SLIT3: variants seen among roughly 807,000 people sequenced by gnomAD.
SLIT3 encodes the protein slit guidance ligand 3.
SLIT3 carries 68 observed loss-of-function variants against 184.0 expected under a neutral mutation model. The ratio of observed to expected loss-of-function variants is 0.37; its 90% CI spans 0.30 to 0.45. The LOEUF (loss-of-function observed/expected upper bound fraction) is 0.45, where lower values mean the gene tolerates loss of function less well. SLIT3 is among the 20% of genes least tolerant of loss of function. The pLI, the probability that SLIT3 is intolerant of heterozygous loss-of-function variation, is 1.00. For synonymous variants in SLIT3, 831 were observed against 828.6 expected, an observed-to-expected ratio of 1.00 and a Z score of -0.05; for missense variants, 1,707 against 2,026.0, an observed-to-expected ratio of 0.84 and a Z score of 3.02.
At chr5:169,187,401 G>A (rs1289466030) in intron 4 of SLIT3, among the ~76,000 whole-genome samples, 3 of 151,928 alleles carry the variant, frequency 2.0e-5, no homozygotes, top group Non-Finnish European at 4.4e-5. Flanking sequence ...GTGAGCCACC[G>A]CGGCCGGCAG....
intron 4 of SLIT3, among the ~76,000 whole-genome samples, chr5:168,901,889 G>A (rs1487948779): frequency 6.6e-6 from 1 of 152,120 alleles, no homozygotes; most frequent in Non-Finnish European, 1.5e-5. Flanking sequence ...TCCTCCTAGT[G>A]CTCTGCCCAT....
At chr5:169,195,426 G>A (rs1763709392) in intron 3 of SLIT3, among the ~76,000 whole-genome samples, 1 of 152,236 alleles carries the variant, frequency 6.6e-6, no homozygotes, top group South Asian at 2.1e-4. Flanking sequence ...CACTGGGCAG[G>A]GAAGCCATCC....
chr5:169,158,482 A>AG (rs57451204), intron 4 of SLIT3, among the ~76,000 whole-genome samples: 1 of 152,190 alleles, frequency 6.6e-6, no homozygotes. Flanking sequence ...CTAAAAAAAA[A>AG]TCCTCTAAAC....
At chr5:169,192,421 C>CTGTGTGTG (rs949906510) in intron 4 of SLIT3, among the ~76,000 whole-genome samples, 2 of 111,522 alleles carry the variant, frequency 1.8e-5, no homozygotes, top group African/African-American at 5.8e-5. Flanking sequence ...TGTATATAGT[C>CTGTGTGTG]TCTGTGTGTG....
At chr5:168,786,256 G>T (rs946526075) in intron 11 of SLIT3, among the ~76,000 whole-genome samples, 1 of 152,124 alleles carries the variant, frequency 6.6e-6, no homozygotes, top group Non-Finnish European at 1.5e-5. Flanking sequence ...AGGAAGAAGC[G>T]GTCTCTTTGT....
At chr5:169,183,695 T>G (rs1337878905) in intron 4 of SLIT3, among the ~76,000 whole-genome samples, 1 of 152,162 alleles carries the variant, frequency 6.6e-6, no homozygotes, top group Non-Finnish European at 1.5e-5. Context: ...TGAAATCACT[T>G]AAGCCACCCT....
At position 169,248,888 on chromosome 5, in the gene SLIT3, T is replaced by C. The variant is rs563081647; in HGVS notation, c.269+2500A>G. 2.0e-5 allele frequency among the ~76,000 whole-genome samples: 3 copies of C among 152,308 alleles called. No individual in the cohort carries two copies. The South Asian group carries it at 6.2e-4, about 32-fold the overall frequency. ...TATCTTCTCCTTAAATGCTCTTCAT[T>C]TGGGGAAAATTGCCCTGGGTTGAGA... On this transcript the variant is annotated intron_variant, in intron 2 of 35. Transcript: ENST00000519560.
At chr5:168,945,512 A>G (rs1226887978) in intron 4 of SLIT3, among the ~76,000 whole-genome samples, 2 of 152,240 alleles carry the variant, frequency 1.3e-5, no homozygotes, top group Non-Finnish European at 1.5e-5. Context: ...CCGGGATTAC[A>G]GGCATGAGCC....
chr5:169,116,987 C>G (rs374977665), intron 4 of SLIT3, among the ~76,000 whole-genome samples: 1 of 152,164 alleles, frequency 6.6e-6, no homozygotes, highest in Non-Finnish European at 1.5e-5. Flanking sequence ...ATCCTCATCC[C>G]TCATTCACTC....
chr5:169,267,019 A>C (rs561726858), intron 1 of SLIT3, among the ~76,000 whole-genome samples: 3 of 152,214 alleles, frequency 2.0e-5, no homozygotes, highest in Non-Finnish European at 2.9e-5. Context: ...GCTATTTACT[A>C]TGCAGGAGCC....
At chr5:168,793,802 G>T (rs897885196) in intron 10 of SLIT3, among the ~76,000 whole-genome samples, 8 of 3,782 alleles carry the variant, frequency 2.1e-3, no homozygotes, top group African/African-American at 3.5e-3. Flanking sequence ...AAATGAATTG[G>T]GGGGGGGGAT....
chr5:169,139,042 G>A (rs868644100), intron 4 of SLIT3, among the ~76,000 whole-genome samples: 9 of 152,184 alleles, frequency 5.9e-5, no homozygotes, highest in Non-Finnish European at 1.0e-4. Flanking sequence ...AGAGATCACA[G>A]TTCCTTCCCT....
intron 1 of SLIT3, among the ~76,000 whole-genome samples, chr5:169,265,908 A>T (rs557583402): frequency 6.6e-6 from 1 of 152,318 alleles, no homozygotes; most frequent in East Asian, 1.9e-4. Context: ...AATCTCCTTC[A>T]TCCACTTCAG....
At chr5:169,296,769 C>T (rs1034395404) in intron 1 of SLIT3, among the ~76,000 whole-genome samples, 1 of 152,240 alleles carries the variant, frequency 6.6e-6, no homozygotes, top group Non-Finnish European at 1.5e-5. Context: ...TTCAGCCTTT[C>T]GCCCGTTCTC....
intron 20 of SLIT3, among the ~76,000 whole-genome samples, chr5:168,743,707 C>T (rs1763709909): frequency 2.0e-5 from 3 of 152,196 alleles, no homozygotes; most frequent in African/African-American, 7.2e-5. Context: ...CGGATCAAAG[C>T]TAGGCCTCTT....
rs2113172536 is a variant in SLIT3, at chr5:168,671,392, G to A, written c.3933C>T (p.Ile1311=). The A allele has an allele frequency of 1.9e-6, 3 of 1,614,158 alleles. No homozygotes were observed. The highest frequency in any genetic ancestry group is 1.1e-5 in the South Asian group (1 of 91,076). Residue 1311 remains isoleucine (I), a synonymous_variant, in exon 34 of 36, where the codon ATC becomes ATT. Transcript: ENST00000519560. The part of the protein sequence containing the change: ...GFHGCIHEVR[I]NNELQDFKAL... Reference sequence around the variant, plus strand: ...CCTTGAAGTCCTGCAGCTCGTTGTTGATGCGCACCTCATGGATGCATCCGT... The same window carrying A: ...CCTTGAAGTCCTGCAGCTCGTTGTTAATGCGCACCTCATGGATGCATCCGT...
intron 4 of SLIT3, among the ~76,000 whole-genome samples, chr5:169,148,820 CCTAGAAGTCATAAA>C (rs1323646981): frequency 6.6e-6 from 1 of 151,948 alleles, no homozygotes; most frequent in Non-Finnish European, 1.5e-5. Context: ...TTAATTATAT[CCTAGAAGTCATAAA>C]CTGCTCTCCA....
At chr5:168,995,800 C>G (rs1036086742) in intron 4 of SLIT3, 5 of 152,360 alleles carry the variant, frequency 3.3e-5, no homozygotes, top group African/African-American at 1.2e-4. Flanking sequence ...GGGACCCCAA[C>G]CCTGCACACA....
chr5:168,707,700 A>G (rs941600480), intron 26 of SLIT3: 11 of 368,674 alleles, frequency 3.0e-5, no homozygotes, highest in East Asian at 9.1e-5. Flanking sequence ...TAATTTCTCC[A>G]TGTTTCACAA....
Sources: allele counts gnomAD v4.1 joint callset (sites outside exome capture counted in the v4.1 genomes callset), GRCh38; gene constraint gnomAD v4.1.1; transcripts MANE v1.5; gene names NCBI Gene and HGNC (gene_info 2026-07-23, HGNC 2026-07-21).